Variants in RCAN2 observed in about 807,000 individuals in gnomAD.
The protein encoded by RCAN2 is regulator of calcineurin 2.
Under a neutral mutation model 23.6 loss-of-function variants are expected in RCAN2, and 9 were observed. The ratio of observed to expected loss-of-function variants is 0.38; its 90% CI spans 0.23 to 0.67. The LOEUF (loss-of-function observed/expected upper bound fraction) is 0.67, where lower values mean the gene tolerates loss of function less well. Among genes scored for constraint, RCAN2 ranks in the 30% least tolerant of loss-of-function variants. The pLI is 0.51. For synonymous variants in RCAN2, 109 were observed against 115.7 expected, an observed-to-expected ratio of 0.94 and a Z score of 0.37; for missense variants, 273 against 302.3, an observed-to-expected ratio of 0.90 and a Z score of 0.72.
chr6:46,355,988 G>C (rs1406811691), intron 2 of RCAN2, among the ~76,000 whole-genome samples: 1 of 152,168 alleles, frequency 6.6e-6, no homozygotes, highest in Non-Finnish European at 1.5e-5. Context: ...TGCCTCCGAA[G>C]GGCTTGCTCA....
At chr6:46,314,802 T>C (rs563447612) in intron 2 of RCAN2, among the ~76,000 whole-genome samples, 1 of 152,154 alleles carries the variant, frequency 6.6e-6, no homozygotes, top group Admixed American at 6.5e-5. Flanking sequence ...GGTCGCTGTC[T>C]GTAATCCTAG....
chr6:46,378,535 G>T (rs1325339742), intron 2 of RCAN2, among the ~76,000 whole-genome samples: 1 of 152,114 alleles, frequency 6.6e-6, no homozygotes, highest in Non-Finnish European at 1.5e-5. Flanking sequence ...ATACATCTTG[G>T]GAAGTTTGAA....
chr6:46,454,507 C>A (rs1284400863), intron 2 of RCAN2, among the ~76,000 whole-genome samples: 3 of 151,712 alleles, frequency 2.0e-5, no homozygotes, highest in Non-Finnish European at 4.4e-5. Flanking sequence ...TATTTGGTAT[C>A]CTAAAGACTG....
chr6:46,292,959 T>A (rs1028350840), intron 2 of RCAN2, among the ~76,000 whole-genome samples: 9 of 152,142 alleles, frequency 5.9e-5, no homozygotes, highest in African/African-American at 9.7e-5. Flanking sequence ...CACTTATGAG[T>A]GAGAACATGC....
intron 2 of RCAN2, among the ~76,000 whole-genome samples, chr6:46,319,900 GC>G (rs1763555537): frequency 6.6e-6 from 1 of 152,030 alleles, no homozygotes; most frequent in South Asian, 2.1e-4. Flanking sequence ...CACACACACT[GC>G]CTTTTGTTCT....
chr6:46,411,960 A>T (rs1766563226), intron 2 of RCAN2, among the ~76,000 whole-genome samples: 1 of 152,210 alleles, frequency 6.6e-6, no homozygotes, highest in African/African-American at 2.4e-5. Flanking sequence ...TGACATAATC[A>T]TCAGATTCGT....
At chr6:46,321,693 T>C (rs960418179) in intron 2 of RCAN2, among the ~76,000 whole-genome samples, 2 of 152,224 alleles carry the variant, frequency 1.3e-5, no homozygotes, top group African/African-American at 4.8e-5. Flanking sequence ...GTGGTGGCAC[T>C]CTGCAGCTCT....
At chr6:46,415,478 G>A (rs995845222) in intron 2 of RCAN2, among the ~76,000 whole-genome samples, 9 of 152,152 alleles carry the variant, frequency 5.9e-5, no homozygotes, top group East Asian at 1.9e-4. Context: ...GAGCATTCAG[G>A]CCTCAGTAGC....
intron 2 of RCAN2, among the ~76,000 whole-genome samples, chr6:46,280,335 T>C (rs999960099): frequency 1.2e-4 from 18 of 152,280 alleles, no homozygotes; most frequent in African/African-American, 4.1e-4. Context: ...AGAAAAGTAT[T>C]AGGAATACTT....
chr6:46,246,924 C>A lies in RCAN2; in HGVS notation c.400-5G>T. The A allele has an allele frequency of 6.5e-7, 1 of 1,532,488 alleles. No homozygotes were observed. The highest frequency in any genetic ancestry group is 8.8e-7 in the Non-Finnish European group (1 of 1,138,662). 94.9% of individuals were successfully genotyped at this position (1,532,488 alleles called of 1,614,324 possible). A position where few individuals can be genotyped will look rare whatever the true frequency, so the allele number is the denominator to read the frequency against. ...ATCTGTCTCTGGAGTCTGAACCTTT[C>A]AAATAGAGTAGAGATGAAGAAACTT... On this transcript the variant is annotated splice_region_variant and splice_polypyrimidine_tract_variant and intron_variant, in intron 3 of 4. Transcript: ENST00000371374.
rs77762642 is a variant in RCAN2, at chr6:46,222,942, G to T, written c.*199C>A. 2.0e-5 allele frequency: 12 copies of T among 593,188 alleles called. No individual in the cohort carries two copies. The highest frequency in any genetic ancestry group is 4.6e-4 in the Middle Eastern group (1 of 2,178). The allele number at this position is 593,188 out of a possible 1,614,324, so 36.7% of individuals were successfully genotyped here. On this transcript the variant is annotated 3_prime_UTR_variant, in exon 5 of 5. Coordinates refer to ENST00000371374, the MANE Select transcript of RCAN2 (RefSeq NM_001251974.2). ...TTTTCCCTAGAACCTTCTAAATAAT[G>T]GGTTATACTTAATGGGTATGATATG...
In RCAN2 at chr6:46,411,385, A is replaced by G. The variant is rs559234434; in HGVS notation, c.225+45367T>C. Among the ~76,000 whole-genome samples the G allele has an allele frequency of 2.0e-3, 298 of 152,318 alleles. 2 individuals carry two copies. Among genetic ancestry groups the G allele is most frequent in the African/African-American group, 6.7e-3 (280 of 41,564 alleles). On this transcript the variant is annotated intron_variant, in intron 2 of 4. Transcript: ENST00000371374. ...ACAGAGTTTCAGTTTGGGAAGATGA[A>G]AAAGTTCTAGAGATGGGTGTTTATG...
At chr6:46,473,002 A>G (rs1768612107) in intron 1 of RCAN2, among the ~76,000 whole-genome samples, 1 of 152,192 alleles carries the variant, frequency 6.6e-6, no homozygotes, top group Non-Finnish European at 1.5e-5. Flanking sequence ...CTTAAGCCCC[A>G]AATCTTGCTT....
At chr6:46,411,902 T>C (rs967006371) in intron 2 of RCAN2, among the ~76,000 whole-genome samples, 2 of 152,136 alleles carry the variant, frequency 1.3e-5, no homozygotes, top group African/African-American at 4.8e-5. Flanking sequence ...AGTTTGAATT[T>C]TATTCTAAGT....
chr6:46,357,233 C>A lies in RCAN2; in HGVS notation c.225+99519G>T, dbSNP rs544189012. On this transcript the variant is annotated intron_variant, in intron 2 of 4. Transcript: ENST00000371374. The stretch of plus-strand genomic sequence containing the variant: ...TCCTAGCTGAAGATAAACTTCAGGG[C>A]AACTAAATGAAATTCAGATGGCTAA... Among the ~76,000 whole-genome samples the A allele has an allele frequency of 2.0e-4, 31 of 152,226 alleles. 1 individual carries two copies. In the South Asian group the frequency reaches 5.4e-3, roughly 26 times the overall value.
At chr6:46,370,081 G>T (rs1765286704) in intron 2 of RCAN2, among the ~76,000 whole-genome samples, 1 of 152,136 alleles carries the variant, frequency 6.6e-6, no homozygotes, top group African/African-American at 2.4e-5. Flanking sequence ...TGACCATCCG[G>T]GGCTTGGTTT....
At chr6:46,429,677 A>T (rs1017135732) in intron 2 of RCAN2, among the ~76,000 whole-genome samples, 3 of 152,194 alleles carry the variant, frequency 2.0e-5, no homozygotes, top group Non-Finnish European at 2.9e-5. Context: ...GAGAATGGTC[A>T]TTAGGGCAGG....
rs114209938 is a variant in RCAN2 at position 46,421,095 on chromosome 6, T to A, written c.225+35657A>T. 9.8e-3 allele frequency among the ~76,000 whole-genome samples: 1,490 copies of A among 152,310 alleles called. 20 individuals are homozygous for A. Among genetic ancestry groups the A allele is most frequent in the African/African-American group, 0.034 (1,404 of 41,554 alleles). ...GATAATGAAATGAGATAACATTTTT[T>A]AAAATTACTTCACAAACCATCCCAG... On this transcript the variant is annotated intron_variant, in intron 2 of 4. Coordinates refer to ENST00000371374, the MANE Select transcript of RCAN2 (RefSeq NM_001251974.2).
At chr6:46,279,678 A>G (rs1767836634) in intron 2 of RCAN2, among the ~76,000 whole-genome samples, 1 of 152,210 alleles carries the variant, frequency 6.6e-6, no homozygotes, top group African/African-American at 2.4e-5. Flanking sequence ...TGTGGCTATA[A>G]ACATTGGCTT....
Sources: allele counts gnomAD v4.1 joint callset (sites outside exome capture counted in the v4.1 genomes callset), GRCh38; gene constraint gnomAD v4.1.1; transcripts MANE v1.5; gene names NCBI Gene and HGNC (gene_info 2026-07-23, HGNC 2026-07-21).